Variants in LRRTM3 observed in about 807,000 individuals in gnomAD.
LRRTM3 encodes the protein leucine-rich repeat transmembrane neuronal protein 3.
Under a neutral mutation model 44.7 loss-of-function variants are expected in LRRTM3, and 24 were observed. The observed-to-expected ratio is 0.54, with a 90% confidence interval of 0.39 to 0.76. The LOEUF (loss-of-function observed/expected upper bound fraction) is 0.76, where lower values mean the gene tolerates loss of function less well. LRRTM3 is among the 30% of genes least tolerant of loss of function. The pLI is 0.00. For synonymous variants in LRRTM3, 277 were observed against 278.7 expected (o/e 0.99, Z 0.06); for missense variants, 587 against 702.2 (o/e 0.84, Z 1.85).
intron 2 of LRRTM3, among the ~76,000 whole-genome samples, chr10:66,943,970 C>G (rs969406166): frequency 2.0e-5 from 3 of 152,114 alleles, no homozygotes; most frequent in Non-Finnish European, 2.9e-5. Context: ...AGGGTCTTTC[C>G]TTGATGTTGA....
At chr10:66,980,005 A>C (rs994593629) in intron 2 of LRRTM3, among the ~76,000 whole-genome samples, 1 of 152,208 alleles carries the variant, frequency 6.6e-6, no homozygotes, top group Non-Finnish European at 1.5e-5. Context: ...GAGGAAGGAA[A>C]ACAAGGTTAT....
intron 2 of LRRTM3, among the ~76,000 whole-genome samples, chr10:67,040,709 A>T (rs960028470): frequency 2.6e-5 from 4 of 152,138 alleles, no homozygotes; most frequent in South Asian, 4.1e-4. Flanking sequence ...CACTAGATGC[A>T]GTAATAAAAA....
At chr10:67,001,515 A>G (rs1226991409) in intron 2 of LRRTM3, among the ~76,000 whole-genome samples, 1 of 151,818 alleles carries the variant, frequency 6.6e-6, no homozygotes, top group Admixed American at 6.6e-5. Flanking sequence ...TTAGAGGAAT[A>G]TAGAATTTTT....
At chr10:67,075,029 A>G (rs1004486642) in intron 2 of LRRTM3, among the ~76,000 whole-genome samples, 5 of 152,120 alleles carry the variant, frequency 3.3e-5, no homozygotes, top group Non-Finnish European at 7.3e-5. Flanking sequence ...GGCACTTGAG[A>G]AAGCTATCTT....
chr10:66,940,338 G>GA lies in LRRTM3; in HGVS notation c.1536+11894dup, dbSNP rs111613838. On this transcript the variant is annotated intron_variant, in intron 2 of 2. Transcript: ENST00000361320. The stretch of plus-strand genomic sequence containing the variant: ...GCAAGGCCTCATCTCTACAAAAAAT[G>GA]AAAAAAAATTACCTGGGTGTGATGG... 8.2e-3 allele frequency among the ~76,000 whole-genome samples: 1,237 copies of GA among 151,742 alleles called. 19 individuals carry two copies. The highest frequency in any genetic ancestry group is 0.028 in the African/African-American group (1,159 of 41,426).
chr10:67,091,335 C>T (rs1358941306), intron 2 of LRRTM3, among the ~76,000 whole-genome samples: 1 of 151,686 alleles, frequency 6.6e-6, no homozygotes, highest in African/African-American at 2.4e-5. Context: ...CAGTGTGATA[C>T]ATACACAAAC....
intron 2 of LRRTM3, among the ~76,000 whole-genome samples, chr10:66,973,510 A>G (rs1242538788): frequency 6.6e-6 from 1 of 152,234 alleles, no homozygotes; most frequent in African/African-American, 2.4e-5. Context: ...GAAGACTTTT[A>G]AGTATGCCCT....
chr10:66,994,188 T>A (rs950602009), intron 2 of LRRTM3, among the ~76,000 whole-genome samples: 63 of 152,118 alleles, frequency 4.1e-4, no homozygotes, highest in East Asian at 1.9e-4. Flanking sequence ...GTAAGTAATG[T>A]AAAGGAGCAA....
chr10:67,096,794 G>T (rs1858020626), intron 2 of LRRTM3, among the ~76,000 whole-genome samples: 1 of 151,642 alleles, frequency 6.6e-6, no homozygotes, highest in Non-Finnish European at 1.5e-5. Context: ...GTATACTACT[G>T]GTTCCTTCAA....
intron 2 of LRRTM3, among the ~76,000 whole-genome samples, chr10:66,946,603 T>C (rs972855171): frequency 6.6e-6 from 1 of 152,172 alleles, no homozygotes; most frequent in Non-Finnish European, 1.5e-5. Flanking sequence ...GGTAGCTTTA[T>C]CTGTTTTGGT....
At chr10:66,942,519 C>G (rs1848050539) in intron 2 of LRRTM3, among the ~76,000 whole-genome samples, 1 of 151,774 alleles carries the variant, frequency 6.6e-6, no homozygotes, top group Non-Finnish European at 1.5e-5. Flanking sequence ...CATTATCCTA[C>G]AAATCTCTCT....
chr10:67,021,902 C>T (rs1356535294), intron 2 of LRRTM3, among the ~76,000 whole-genome samples: 1 of 152,134 alleles, frequency 6.6e-6, no homozygotes, highest in Non-Finnish European at 1.5e-5. Context: ...AAGAAGGATG[C>T]AGACTTAGAG....
rs1422128104 is a variant in LRRTM3 at position 67,035,156 on chromosome 10, C to A, written c.1537-62431C>A. Among the ~76,000 whole-genome samples, 5 of 152,116 alleles carry A rather than the reference C, an allele frequency of 3.3e-5. No homozygotes were observed. The East Asian group carries it at 7.7e-4, about 23-fold the overall frequency. Reference sequence around the variant, plus strand: ...TAGACTGTCCTATTCCTTGCTGATACCAAGTACAAGTTCCTTACCCATATG... The same window carrying A: ...TAGACTGTCCTATTCCTTGCTGATAACAAGTACAAGTTCCTTACCCATATG... On this transcript the variant is annotated intron_variant, in intron 2 of 2. Transcript: ENST00000361320.
At chr10:67,011,233 C>T (rs1293405186) in intron 2 of LRRTM3, among the ~76,000 whole-genome samples, 4 of 149,802 alleles carry the variant, frequency 2.7e-5, no homozygotes, top group Non-Finnish European at 5.9e-5. Context: ...CCCAGCTACT[C>T]GGGAGGCTGA....
At chr10:67,007,383 T>C (rs1852058898) in intron 2 of LRRTM3, among the ~76,000 whole-genome samples, 1 of 151,252 alleles carries the variant, frequency 6.6e-6, no homozygotes, top group Non-Finnish European at 1.5e-5. Flanking sequence ...ACCAACTTTT[T>C]ATTGGCTTCA....
chr10:67,063,297 G>A (rs897206360), intron 2 of LRRTM3, among the ~76,000 whole-genome samples: 6 of 152,140 alleles, frequency 3.9e-5, no homozygotes, highest in Non-Finnish European at 8.8e-5. Context: ...CACATTTGTT[G>A]CATTAAATGA....
At chr10:67,033,456 T>G (rs949210985) in intron 2 of LRRTM3, among the ~76,000 whole-genome samples, 1 of 152,190 alleles carries the variant, frequency 6.6e-6, no homozygotes, top group East Asian at 1.9e-4. Flanking sequence ...CAATACTTGG[T>G]CAGAAAAAAT....
At chr10:67,043,480 G>T (rs1854535659) in intron 2 of LRRTM3, among the ~76,000 whole-genome samples, 1 of 152,084 alleles carries the variant, frequency 6.6e-6, no homozygotes, top group Non-Finnish European at 1.5e-5. Context: ...TAAGCTGCAT[G>T]TCATTTAGCT....
intron 2 of LRRTM3, among the ~76,000 whole-genome samples, chr10:66,951,362 C>T (rs557619935): frequency 2.4e-4 from 37 of 152,206 alleles, no homozygotes; most frequent in African/African-American, 7.9e-4. Flanking sequence ...ATGATCCATC[C>T]GCCTCTGCCT....
Sources: gnomAD v4.1 joint callset for allele counts (sites outside exome capture counted in the v4.1 genomes callset) on GRCh38, gnomAD v4.1.1 for gene constraint, MANE v1.5 for transcripts, NCBI Gene and HGNC (gene_info 2026-07-23, HGNC 2026-07-21) for gene names.